POM121: variants seen among roughly 807,000 people sequenced by gnomAD.
The protein encoded by POM121 is nuclear envelope pore membrane protein POM 121.
A neutral mutation model predicts 81.3 loss-of-function variants in POM121; 32 were observed. The ratio of observed to expected loss-of-function variants is 0.39; its 90% confidence interval spans 0.30 to 0.53. The LOEUF is 0.53. Ranked by LOEUF, POM121 falls within the 20% of genes least tolerant of loss-of-function variation. The pLI is 0.66. For synonymous variants in POM121, 514 were observed against 694.2 expected (o/e 0.74, Z 4.08); for missense variants, 1,138 against 1,614.6 (o/e 0.70, Z 5.06).
chr7:72,911,801 G>C (rs1484316955), intron 3 of POM121, among the ~76,000 whole-genome samples: 1 of 152,202 alleles, frequency 6.6e-6, no homozygotes, highest in Non-Finnish European at 1.5e-5. Context: ...TATATCCCTA[G>C]TTTTGACATA....
Position 72,890,539 on chromosome 7 carries a change from A to G in POM121, c.-520-88A>G, listed in dbSNP as rs1554490727. The G allele has an allele frequency of 8.8e-6, 13 of 1,474,734 alleles. No homozygotes were observed. The Middle Eastern group carries it at 5.6e-4, about 64-fold the overall frequency. The allele number at this position is 1,474,734 out of a possible 1,614,324, so 91.4% of individuals were successfully genotyped here. On this transcript the variant is annotated intron_variant, in intron 1 of 15. Transcript: ENST00000395270. ...ACATAAAATAAGGTATACAATGTTC[A>G]TGGTTAACTTCACCAGTGAGCTTTG...
intron 6 of POM121, among the ~76,000 whole-genome samples, chr7:72,938,921 C>T (rs1414285748): frequency 2.0e-5 from 3 of 152,172 alleles, no homozygotes; most frequent in African/African-American, 7.2e-5. Flanking sequence ...GGATCGGGTG[C>T]AAGCACAGAG....
intron 12 of POM121, 96 bp from the exon 13 acceptor site, chr7:72,946,041 G>A: frequency 6.6e-7 from 1 of 1,521,526 alleles, no homozygotes; most frequent in South Asian, 1.3e-5. Context: ...GGCACCCTGT[G>A]TTTTATTACT....
Position 72,943,212 on chromosome 7 carries a change from T to C in POM121, c.3219T>C (p.Phe1073=). The C allele has an allele frequency of 6.2e-7, 1 of 1,613,076 alleles. No homozygotes were observed. The highest frequency in any genetic ancestry group is 8.5e-7 in the Non-Finnish European group (1 of 1,179,792). ...VFFGAATSSG[F]GATTQTASSG... ...TCGGTGCAGCCACCAGCTCCGGCTTTGGAGCCACCACCCAGACCGCCAGCA... is the reference window on the plus strand; with the variant it reads ...TCGGTGCAGCCACCAGCTCCGGCTTCGGAGCCACCACCCAGACCGCCAGCA... Residue 1073 remains phenylalanine, a synonymous_variant, in exon 11 of 13, where the codon TTT becomes TTC. Coordinates refer to ENST00000434423, the MANE Select transcript of POM121 (RefSeq NM_001387691.1).
At chr7:72,935,577 T>C (rs1425819438) in intron 5 of POM121, among the ~76,000 whole-genome samples, 1 of 151,978 alleles carries the variant, frequency 6.6e-6, no homozygotes, top group Non-Finnish European at 1.5e-5. Context: ...ACCTGCTGGG[T>C]TCAAGTGATT....
At chr7:72,945,274 C>T (rs561863659) in intron 11 of POM121, among the ~76,000 whole-genome samples, 1 of 152,180 alleles carries the variant, frequency 6.6e-6, no homozygotes, top group South Asian at 2.1e-4. Flanking sequence ...CCCAGGTACG[C>T]TAGGAGGCGG....
chr7:72,918,101 C>T (rs1794460570), intron 4 of POM121, among the ~76,000 whole-genome samples: 1 of 152,180 alleles, frequency 6.6e-6, no homozygotes, highest in Non-Finnish European at 1.5e-5. Context: ...CAAGATGGAA[C>T]ATGAAGGTGG....
chr7:72,924,854 G>C (rs1215907394), upstream of POM121: 1 of 458,144 alleles, frequency 2.2e-6, no homozygotes, highest in Non-Finnish European at 3.7e-6. Flanking sequence ...CGTAAGCATA[G>C]GTCTCGGGCC....
chr7:72,934,304 C>T (rs1430272322), intron 5 of POM121, among the ~76,000 whole-genome samples: 3 of 152,008 alleles, frequency 2.0e-5, no homozygotes, highest in Non-Finnish European at 4.4e-5. Flanking sequence ...AGGATGGTCT[C>T]GAACTCGTGA....
chr7:72,949,638 A>G (rs1797938025), downstream of POM121: 1 of 654,484 alleles, frequency 1.5e-6, no homozygotes, highest in African/African-American at 1.8e-5. Context: ...CCAGGGTCAG[A>G]GGTAACTGGC....
At chr7:72,924,236 G>A (rs1377224251), upstream of POM121, among the ~76,000 whole-genome samples, 3 of 151,976 alleles carry the variant, frequency 2.0e-5, no homozygotes, top group African/African-American at 7.3e-5. Flanking sequence ...GTGAGCCACC[G>A]CGCCCGGCCT....
chr7:72,883,241 C>T (rs766187720), intron 1 of POM121, among the ~76,000 whole-genome samples: 1 of 152,146 alleles, frequency 6.6e-6, no homozygotes, highest in Non-Finnish European at 1.5e-5. Context: ...TGGCTTTCAC[C>T]GTGTCATGCA....
At position 72,940,962 on chromosome 7, in the gene POM121, G is replaced by A; in HGVS notation, c.1812G>A (p.Met604Ile). 2 of 1,592,552 alleles carry A rather than the reference G, an allele frequency of 1.3e-6. No homozygotes were observed. The highest frequency in any genetic ancestry group is 2.2e-5 in the East Asian group (1 of 44,718). Residue 604 changes from methionine (M) to isoleucine (I), a missense_variant, in exon 10 of 13, where the codon ATG becomes ATA. Transcript: ENST00000434423. ...TNPLLESLKK[M>I]QTPPSLPPCP... ...CACTGTTAGAGAGCTTGAAGAAGAT[G>A]CAGACTCCCCCGAGCCTGCCACCCT...
intron 1 of POM121, among the ~76,000 whole-genome samples, chr7:72,882,772 T>A (rs1406696876): frequency 1.3e-5 from 2 of 152,222 alleles, no homozygotes; most frequent in Non-Finnish European, 2.9e-5. Flanking sequence ...GATTTCCTCA[T>A]TTCTGTTTCT....
At chr7:72,931,574 C>CTT (rs782387745) in intron 5 of POM121, among the ~76,000 whole-genome samples, 16 of 139,308 alleles carry the variant, frequency 1.1e-4, no homozygotes, top group Non-Finnish European at 1.9e-4. Context: ...CACGCAATTT[C>CTT]TTTTTTTTTT....
intron 12 of POM121, 127 bp downstream of exon 12, chr7:72,945,835 G>C: frequency 6.9e-7 from 1 of 1,453,592 alleles, no homozygotes; most frequent in Non-Finnish European, 9.1e-7. Context: ...TTTCGGGTTA[G>C]GAGTCCAGCA....
Position 72,946,320 on chromosome 7 carries a change from T to C in POM121, c.*86T>C, listed in dbSNP as rs389526. On this transcript the variant is annotated 3_prime_UTR_variant, in exon 13 of 13. Transcript: ENST00000434423. ...TAGGAAGAGCCTTGGACCCTTCCAG[T>C]TGCGTAAAGCAAACCTACCCCGGAT... is the stretch of plus-strand genomic sequence containing the variant. 18,121 of 1,534,540 alleles carry C rather than the reference T, an allele frequency of 0.012. 453 individuals are homozygous for C. The highest frequency in any genetic ancestry group is 0.094 in the African/African-American group (6,749 of 71,536).
At chr7:72,934,573 C>T (rs1227722413) in intron 5 of POM121, among the ~76,000 whole-genome samples, 1 of 152,116 alleles carries the variant, frequency 6.6e-6, no homozygotes, top group South Asian at 2.1e-4. Context: ...TGATAATTTT[C>T]TTCTGTGCTA....
upstream of POM121, among the ~76,000 whole-genome samples, chr7:72,922,007 A>T (rs1270133986): frequency 6.6e-6 from 1 of 152,080 alleles, no homozygotes; most frequent in African/African-American, 2.4e-5. Flanking sequence ...GTGCTGTTTC[A>T]TATATCCACA....
Sources: allele counts gnomAD v4.1 joint callset (sites outside exome capture counted in the v4.1 genomes callset), GRCh38; gene constraint gnomAD v4.1.1; transcripts MANE v1.5; gene names NCBI Gene and HGNC (gene_info 2026-07-23, HGNC 2026-07-21).